RPA3: variants seen among roughly 807,000 people sequenced by gnomAD.
RPA3 encodes replication protein A3.
Under a neutral mutation model 13.7 loss-of-function variants are expected in RPA3, and 24 were observed. The ratio of observed to expected loss-of-function variants is 1.75; its 90% CI spans 1.27 to 2.46. RPA3 has a LOEUF of 2.46. RPA3 is among the 30% of genes most tolerant of loss of function. The pLI, the probability that RPA3 is intolerant of heterozygous loss-of-function variation, is 0.00. For missense variants in RPA3, 183 were observed against 151.0 expected (o/e 1.21, Z -1.11); for synonymous variants, 59 against 51.2 (o/e 1.15, Z -0.65).
At chr7:7,658,155 G>T (rs1417253261) in intron 4 of RPA3, among the ~76,000 whole-genome samples, 3 of 152,194 alleles carry the variant, frequency 2.0e-5, no homozygotes, top group Non-Finnish European at 4.4e-5. Flanking sequence ...TTTGCACATT[G>T]ATTTTGTATC....
chr7:7,660,455 A>G (rs527778937), intron 4 of RPA3, among the ~76,000 whole-genome samples: 1 of 152,080 alleles, frequency 6.6e-6, no homozygotes, highest in African/African-American at 2.4e-5. Flanking sequence ...GTTCCTTTCC[A>G]TGTTTAGTGT....
rs537691036 is a variant in RPA3, at chr7:7,708,940, A to T, written c.-1028+6235T>A. Among the ~76,000 whole-genome samples, 47 of 150,402 alleles carry T rather than the reference A, an allele frequency of 3.1e-4. 1 individual carries two copies. The highest frequency in any genetic ancestry group is 1.2e-3 in the Admixed American group (18 of 15,060). ...GTGTTTGTGTGTCTGTGTGTGTGTG[A>T]GAGAGAGAGAGGGAGAGAGAGAGAA... On this transcript the variant is annotated intron_variant, in intron 2 of 7. Transcript: ENST00000223129.
At chr7:7,658,629 G>A (rs1785401861) in intron 4 of RPA3, among the ~76,000 whole-genome samples, 1 of 152,296 alleles carries the variant, frequency 6.6e-6, no homozygotes, top group African/African-American at 2.4e-5. Flanking sequence ...ATTTGTGTAT[G>A]TTGAACCAGC....
intron 4 of RPA3, among the ~76,000 whole-genome samples, chr7:7,650,346 C>T (rs1785196956): frequency 6.6e-6 from 1 of 152,124 alleles, no homozygotes; most frequent in South Asian, 2.1e-4. Flanking sequence ...GTGTTTATTT[C>T]ATTCGAGTTC....
intron 4 of RPA3, chr7:7,676,090 C>T (rs1779730828): frequency 2.5e-6 from 1 of 398,560 alleles, no homozygotes; most frequent in African/African-American, 2.1e-5. Context: ...TCCCCTCTTC[C>T]TTCTTCCGCA....
At chr7:7,693,295 TTATCTATCTATCTATC>T (rs1250261083) in intron 2 of RPA3, among the ~76,000 whole-genome samples, 6 of 148,886 alleles carry the variant, frequency 4.0e-5, no homozygotes, top group African/African-American at 1.5e-4. Context: ...TAAAATATCT[TTATCTATCTATCTATC>T]TATCTATCTA....
intron 4 of RPA3, among the ~76,000 whole-genome samples, chr7:7,683,395 G>T (rs760077231): frequency 1.3e-5 from 2 of 152,142 alleles, no homozygotes; most frequent in African/African-American, 4.8e-5. Flanking sequence ...AAGCACTACA[G>T]TTCACTCTCT....
intron 4 of RPA3, among the ~76,000 whole-genome samples, chr7:7,641,919 G>C (rs1784982617): frequency 6.6e-6 from 1 of 152,134 alleles, no homozygotes; most frequent in African/African-American, 2.4e-5. Context: ...GCACTTAATA[G>C]GTTTGTCTTA....
chr7:7,643,624 A>C (rs1053159472), intron 4 of RPA3, among the ~76,000 whole-genome samples: 1 of 151,898 alleles, frequency 6.6e-6, no homozygotes, highest in Admixed American at 6.6e-5. Flanking sequence ...AGGCAGGAGA[A>C]TGGCGTGAAC....
intron 2 of RPA3, 30 bp downstream of exon 2, chr7:7,715,145 C>T (rs1780866235): frequency 6.6e-6 from 1 of 152,134 alleles, no homozygotes; most frequent in African/African-American, 2.4e-5. Context: ...GCACCTTCAG[C>T]ATAGAAACAG....
At chr7:7,649,909 T>C (rs1350978337) in intron 4 of RPA3, among the ~76,000 whole-genome samples, 1 of 152,214 alleles carries the variant, frequency 6.6e-6, no homozygotes, top group African/African-American at 2.4e-5. Flanking sequence ...AGTGAAAAGA[T>C]GGCTGTCTGT....
intron 4 of RPA3, among the ~76,000 whole-genome samples, chr7:7,644,277 T>C (rs997360812): frequency 6.6e-6 from 1 of 152,114 alleles, no homozygotes; most frequent in African/African-American, 2.4e-5. Flanking sequence ...TAAGAGCTTT[T>C]TATTAGTGAG....
intron 2 of RPA3, among the ~76,000 whole-genome samples, chr7:7,690,786 C>T (rs1780155664): frequency 6.6e-6 from 1 of 152,034 alleles, no homozygotes; most frequent in South Asian, 2.1e-4. Context: ...AAAGCATTCC[C>T]TTCACATATA....
intron 4 of RPA3, among the ~76,000 whole-genome samples, chr7:7,670,951 C>A (rs1252879068): frequency 6.6e-6 from 1 of 152,160 alleles, no homozygotes; most frequent in African/African-American, 2.4e-5. Flanking sequence ...CATTGTCTTC[C>A]ATGCCATTGG....
intron 4 of RPA3, among the ~76,000 whole-genome samples, chr7:7,648,317 C>T (rs116547429): frequency 1.0e-3 from 158 of 152,298 alleles, no homozygotes; most frequent in African/African-American, 3.6e-3. Context: ...TCCAGTAAAC[C>T]ATAGACTTTA....
intron 2 of RPA3, among the ~76,000 whole-genome samples, chr7:7,707,519 T>A (rs1780636875): frequency 1.3e-5 from 2 of 152,210 alleles, no homozygotes; most frequent in African/African-American, 4.8e-5. Flanking sequence ...AGTGTGATTT[T>A]GTAAAAGTGA....
intron 4 of RPA3, among the ~76,000 whole-genome samples, chr7:7,667,476 T>C (rs971098375): frequency 6.6e-6 from 1 of 152,192 alleles, no homozygotes; most frequent in South Asian, 2.1e-4. Context: ...CTCTTAATTC[T>C]GCTAAGGATT....
intron 2 of RPA3, among the ~76,000 whole-genome samples, chr7:7,712,717 A>G (rs931183828): frequency 2.6e-5 from 4 of 152,212 alleles, no homozygotes; most frequent in Non-Finnish European, 4.4e-5. Flanking sequence ...GTTGAAGAGA[A>G]GTGTCAAAGA....
intron 2 of RPA3, among the ~76,000 whole-genome samples, chr7:7,710,287 C>T (rs1780722084): frequency 2.6e-5 from 4 of 152,130 alleles, no homozygotes; most frequent in Admixed American, 2.0e-4. Flanking sequence ...ATCTGTGTCT[C>T]ACACTTTATG....
Sources: allele counts gnomAD v4.1 joint callset (sites outside exome capture counted in the v4.1 genomes callset), GRCh38; gene constraint gnomAD v4.1.1; transcripts MANE v1.5; gene names NCBI Gene and HGNC (gene_info 2026-07-23, HGNC 2026-07-21).